Variants in CPB1 observed in about 807,000 individuals in gnomAD.
The protein encoded by CPB1 is carboxypeptidase B1.
CPB1 carries 53 observed loss-of-function variants against 51.4 expected under a neutral mutation model. The ratio of observed to expected loss-of-function variants is 1.03; its 90% CI spans 0.83 to 1.30. CPB1 has a LOEUF of 1.30. Among genes scored for constraint, CPB1 ranks in the 50% most tolerant of loss-of-function variants. CPB1 has a pLI of 0.00. For synonymous variants in CPB1, 189 were observed against 186.9 expected (o/e 1.01, Z -0.09); for missense variants, 494 against 516.2 (o/e 0.96, Z 0.42).
chr3:148,851,259 C>A (rs1470396488), intron 9 of CPB1: 3 of 148,350 alleles, frequency 2.0e-5, no homozygotes, highest in Non-Finnish European at 4.4e-5. Flanking sequence ...CATTTGAACC[C>A]AGGAGGCAGA....
At chr3:148,835,713 T>G (rs73866669) in intron 3 of CPB1, among the ~76,000 whole-genome samples, 66 of 152,322 alleles carry the variant, frequency 4.3e-4, no homozygotes, top group African/African-American at 1.5e-3. Context: ...ATTCAAATGT[T>G]TATCCGGCAA....
At chr3:148,850,286 T>G (rs941812326) in intron 9 of CPB1, among the ~76,000 whole-genome samples, 8 of 151,820 alleles carry the variant, frequency 5.3e-5, no homozygotes, top group Non-Finnish European at 1.0e-4. Context: ...TTGAAGTTTT[T>G]TTTGTTTGTT....
At chr3:148,841,973 T>G in intron 6 of CPB1, 49 bp downstream of exon 6, 1 of 1,280,366 alleles carries the variant, frequency 7.8e-7, no homozygotes, top group Non-Finnish European at 1.1e-6. Context: ...TGTTTTAATT[T>G]TCAATTAATT....
chr3:148,858,621 G>C (rs190534087), intron 10 of CPB1, among the ~76,000 whole-genome samples: 320 of 151,700 alleles, frequency 2.1e-3, no homozygotes, highest in Non-Finnish European at 3.3e-3. Flanking sequence ...CGACAAACAA[G>C]TACCAGGGCT....
intron 2 of CPB1, among the ~76,000 whole-genome samples, chr3:148,829,465 G>A (rs577168543): frequency 2.4e-4 from 37 of 152,140 alleles, no homozygotes; most frequent in Non-Finnish European, 4.0e-4. Flanking sequence ...AAACCATTAG[G>A]TAATTTTTTT....
chr3:148,853,334 G>A (rs1202070265), intron 9 of CPB1, among the ~76,000 whole-genome samples: 1 of 152,174 alleles, frequency 6.6e-6, no homozygotes, highest in Non-Finnish European at 1.5e-5. Flanking sequence ...GCACAGTCAC[G>A]AAAGGGGAGT....
At chr3:148,858,970 CA>C (rs1157541859) in intron 10 of CPB1, among the ~76,000 whole-genome samples, 1 of 152,152 alleles carries the variant, frequency 6.6e-6, no homozygotes, top group Non-Finnish European at 1.5e-5. Context: ...ATGCAAAATA[CA>C]ATTTTCTTTA....
At chr3:148,837,225 CTGAT>C (rs1283241540) in intron 3 of CPB1, among the ~76,000 whole-genome samples, 1 of 152,150 alleles carries the variant, frequency 6.6e-6, no homozygotes, top group South Asian at 2.1e-4. Flanking sequence ...TTCAGGGAGA[CTGAT>C]TGTTGCTCAC....
At position 148,859,837 on chromosome 3, in the gene CPB1, C is replaced by A; in HGVS notation, c.1089C>A (p.Asp363Glu). 1 of 1,613,638 alleles carries A rather than the reference C, an allele frequency of 6.2e-7. No individual in the cohort carries two copies. ...TTIYPAAGGS[D>E]DWAYDQGIRY... ...CAGATCCTGCTGCTGGGGGCTCTGACGACTGGGCTTATGACCAAGGAATCA... is the reference window on the plus strand; with the variant it reads ...CAGATCCTGCTGCTGGGGGCTCTGAAGACTGGGCTTATGACCAAGGAATCA... Residue 363 changes from aspartate to glutamate, a missense_variant, in exon 11 of 11, where the codon GAC becomes GAA. Asp to Glu is a conservative substitution (Grantham distance 45). Transcript: ENST00000282957.
At chr3:148,856,481 G>A (rs1236848099) in intron 9 of CPB1, 1 of 152,154 alleles carries the variant, frequency 6.6e-6, no homozygotes, top group Non-Finnish European at 1.5e-5. Flanking sequence ...CAACCTCACA[G>A]TTTTCCAGGC....
At position 148,840,862 on chromosome 3, in the gene CPB1, T is replaced by G. The variant is rs201176437; in HGVS notation, c.373-12T>G. On this transcript the variant is annotated splice_polypyrimidine_tract_variant and intron_variant, in intron 4 of 10. Coordinates refer to ENST00000282957, the MANE Select transcript of CPB1 (RefSeq NM_001871.3). ...AATGCCACATTGATCTACAAATGAT[T>G]CCATTTGGTAGATAGAGGCTTGGAC... The G allele has an allele frequency of 6.2e-7, 1 of 1,612,792 alleles. No individual in the cohort carries two copies.
intron 9 of CPB1, among the ~76,000 whole-genome samples, chr3:148,852,768 T>C (rs576403683): frequency 2.0e-4 from 30 of 152,370 alleles, no homozygotes; most frequent in African/African-American, 6.7e-4. Flanking sequence ...AAAATATGTA[T>C]GCAGATCAGC....
At chr3:148,848,236 G>T (rs1713313595) in intron 9 of CPB1, among the ~76,000 whole-genome samples, 1 of 152,102 alleles carries the variant, frequency 6.6e-6, no homozygotes, top group Admixed American at 6.5e-5. Context: ...AGTATTAACA[G>T]TTTTACAGTT....
At chr3:148,828,259 G>A (rs766932903) in intron 2 of CPB1, among the ~76,000 whole-genome samples, 182 bp downstream of exon 2, 86 of 152,270 alleles carry the variant, frequency 5.6e-4, no homozygotes, top group Non-Finnish European at 1.0e-3. Flanking sequence ...ATTGCCATAA[G>A]CCCTGTAGTA....
At chr3:148,845,766 C>A (rs964728482) in intron 9 of CPB1, 140 bp downstream of exon 9, 3 of 672,122 alleles carry the variant, frequency 4.5e-6, no homozygotes, top group Non-Finnish European at 7.4e-6. Context: ...AAACTTATTA[C>A]AGATTTATAA....
Position 148,840,734 on chromosome 3 carries a change from C to T in CPB1, c.321C>T (p.Ser107=). 1 of 1,614,046 alleles carries T rather than the reference C, an allele frequency of 6.2e-7. No homozygotes were observed. Among genetic ancestry groups the T allele is most frequent in the Non-Finnish European group, 8.5e-7 (1 of 1,179,992 alleles). Residue 107 remains serine (S), a synonymous_variant, in exon 4 of 11, where the codon AGC becomes AGT. Transcript: ENST00000282957. ...LRNVVEAQFD[S]RVRATGHSYE... ...ATGTGGTGGAGGCTCAGTTTGATAGCCGGGTTCGTGCAACAGGACACAGTT... is the reference window on the plus strand; with the variant it reads ...ATGTGGTGGAGGCTCAGTTTGATAGTCGGGTTCGTGCAACAGGACACAGTT...
chr3:148,850,123 A>G (rs981783136), intron 9 of CPB1, among the ~76,000 whole-genome samples: 2 of 152,244 alleles, frequency 1.3e-5, no homozygotes, highest in Non-Finnish European at 2.9e-5. Context: ...TTTGAGAGAT[A>G]TATATTCATT....
chr3:148,835,592 C>G (rs957738792), intron 3 of CPB1, among the ~76,000 whole-genome samples: 1 of 152,096 alleles, frequency 6.6e-6, no homozygotes, highest in Non-Finnish European at 1.5e-5. Flanking sequence ...ACCCAGGACA[C>G]TTGCATAAGA....
chr3:148,844,085 A>G (rs1713163001), intron 6 of CPB1, among the ~76,000 whole-genome samples: 1 of 152,192 alleles, frequency 6.6e-6, no homozygotes, highest in African/African-American at 2.4e-5. Flanking sequence ...GACACGTCTT[A>G]CTTACTAGAA....
Sources: gnomAD v4.1 joint callset for allele counts (sites outside exome capture counted in the v4.1 genomes callset) on GRCh38, gnomAD v4.1.1 for gene constraint, MANE v1.5 for transcripts, NCBI Gene and HGNC (gene_info 2026-07-23, HGNC 2026-07-21) for gene names.